Variants in COL4A6 observed in about 807,000 individuals in gnomAD.
COL4A6 encodes the protein collagen alpha-6(IV) chain.
COL4A6 carries 59 observed loss-of-function variants against 126.7 expected under a neutral mutation model. The ratio of observed to expected loss-of-function variants is 0.47; its 90% confidence interval spans 0.38 to 0.58. COL4A6 has a LOEUF of 0.58. Among genes scored for constraint, COL4A6 ranks in the 20% least tolerant of loss-of-function variants. The probability of loss-of-function intolerance (pLI) is 0.00; values close to 1 mark genes in which losing one functional copy is unlikely to be tolerated. For missense variants in COL4A6, 1,285 were observed against 1,337.3 expected, an observed-to-expected ratio of 0.96 and a Z score of 0.61; for synonymous variants, 547 against 496.6, an observed-to-expected ratio of 1.10 and a Z score of -1.35.
At chrX:108,382,003 C>A (rs1364131702) in intron 2 of COL4A6, among the ~76,000 whole-genome samples, 1 of 111,206 alleles carries the variant, frequency 9.0e-6, no homozygotes, top group Admixed American at 9.6e-5. Context: ...CTTTTTTACC[C>A]TCTTTTTTAT....
chrX:108,343,157 ATATATATAGTGT>A (rs1448974890), intron 2 of COL4A6, among the ~76,000 whole-genome samples: 62 of 73,843 alleles, frequency 8.4e-4, no homozygotes, highest in Non-Finnish European at 1.4e-3. Flanking sequence ...ATATATATAT[ATATATATAGTGT>A]GTGTGTGTGT....
intron 2 of COL4A6, among the ~76,000 whole-genome samples, chrX:108,395,528 A>G (rs1270342378): frequency 2.7e-5 from 3 of 112,267 alleles, no homozygotes; most frequent in Admixed American, 9.4e-5. Flanking sequence ...CCTTAACCCA[A>G]TATCTAGAAA....
chrX:108,368,595 TACTC>T (rs1173044553), intron 2 of COL4A6, among the ~76,000 whole-genome samples: 1 of 112,033 alleles, frequency 8.9e-6, no homozygotes, highest in Non-Finnish European at 1.9e-5. Flanking sequence ...AACTTTATCT[TACTC>T]TATTTTACTT....
At chrX:108,411,238 TA>T (rs2041321172) in intron 2 of COL4A6, among the ~76,000 whole-genome samples, 2 of 57,126 alleles carry the variant, frequency 3.5e-5, no homozygotes, top group African/African-American at 8.6e-5. Flanking sequence ...TTGTAAGAGC[TA>T]CTTTTCACTT....
chrX:108,355,660 G>T (rs1229739113), intron 2 of COL4A6, among the ~76,000 whole-genome samples: 3 of 112,079 alleles, frequency 2.7e-5, no homozygotes, highest in Admixed American at 1.9e-4. Context: ...TAGATTGGGT[G>T]GACAGGGAAT....
chrX:108,161,511 C>T, intron 42 of COL4A6, 108 bp downstream of exon 42: 1 of 508,129 alleles, frequency 2.0e-6, no homozygotes. Flanking sequence ...CAAGCTCTAC[C>T]ACTGGGTTTA....
intron 3 of COL4A6, among the ~76,000 whole-genome samples, chrX:108,273,388 G>A (rs1390532751): frequency 9.0e-6 from 1 of 110,531 alleles, no homozygotes. Flanking sequence ...TGGTGGGACT[G>A]TAAACTAGTT....
intron 12 of COL4A6, 67 bp downstream of exon 12, chrX:108,204,248 AGAGTT>A (rs1172112577): frequency 1.9e-5 from 15 of 800,014 alleles, no homozygotes; most frequent in South Asian, 1.3e-4. Flanking sequence ...TCTGGTTATT[AGAGTT>A]AAGTTCTTGT....
intron 3 of COL4A6, among the ~76,000 whole-genome samples, chrX:108,241,256 A>T (rs1408585892): frequency 9.0e-6 from 1 of 110,541 alleles, no homozygotes; most frequent in Non-Finnish European, 1.9e-5. Context: ...TCTCATAAAG[A>T]TGGTACCATA....
At chrX:108,172,637 T>C in intron 31 of COL4A6, 105 bp from the exon 32 acceptor site, 7 of 606,575 alleles carry the variant, frequency 1.2e-5, no homozygotes, top group Non-Finnish European at 1.8e-5. Flanking sequence ...ATGTCCATCA[T>C]GTATTCTGTG....
intron 2 of COL4A6, among the ~76,000 whole-genome samples, chrX:108,328,827 T>TTGGA (rs2039225349): frequency 8.9e-6 from 1 of 112,045 alleles, no homozygotes; most frequent in African/African-American, 3.2e-5. Context: ...GTGTCCATCA[T>TTGGA]TGGATGGATG....
At chrX:108,436,182 C>T in intron 2 of COL4A6, among the ~76,000 whole-genome samples, 1 of 112,196 alleles carries the variant, frequency 8.9e-6, no homozygotes. Context: ...TGGCTGTGTA[C>T]TTAAATAAGT....
chrX:108,370,759 C>T (rs1347910522), intron 2 of COL4A6, among the ~76,000 whole-genome samples: 3 of 111,598 alleles, frequency 2.7e-5, no homozygotes, highest in African/African-American at 9.8e-5. Context: ...GAACACCCTT[C>T]TAAGGATTAG....
chrX:108,247,047 C>T (rs1040937868), intron 3 of COL4A6, among the ~76,000 whole-genome samples: 5 of 111,442 alleles, frequency 4.5e-5, no homozygotes, highest in South Asian at 3.8e-4. Flanking sequence ...TGTGGACACT[C>T]GATAGGTTCT....
intron 2 of COL4A6, among the ~76,000 whole-genome samples, chrX:108,349,446 C>A (rs775816757): frequency 9.0e-6 from 1 of 111,693 alleles, no homozygotes; most frequent in Non-Finnish European, 1.9e-5. Flanking sequence ...AAAAGATAGC[C>A]CTTGGTTTAG....
At chrX:108,237,157 C>T (rs1385736679) in intron 3 of COL4A6, among the ~76,000 whole-genome samples, 1 of 111,875 alleles carries the variant, frequency 8.9e-6, no homozygotes, top group Non-Finnish European at 1.9e-5. Context: ...ATGACAACAG[C>T]CTCTGGAGTT....
At chrX:108,342,456 G>T (rs1200056765) in intron 2 of COL4A6, among the ~76,000 whole-genome samples, 1 of 111,825 alleles carries the variant, frequency 8.9e-6, no homozygotes, top group East Asian at 2.8e-4. Context: ...AGTGGGCAAA[G>T]CTTAGGGCCA....
At chrX:108,169,358 C>T in intron 37 of COL4A6, 137 bp downstream of exon 37, 2 of 826,976 alleles carry the variant, frequency 2.4e-6, no homozygotes, top group Non-Finnish European at 3.4e-6. Context: ...CAGTCATTCC[C>T]ACTGGGTTGT....
chrX:108,360,690 C>T (rs2040065834), intron 2 of COL4A6, among the ~76,000 whole-genome samples: 1 of 110,077 alleles, frequency 9.1e-6, no homozygotes, highest in African/African-American at 3.3e-5. Flanking sequence ...GCACCTGCCA[C>T]CATGCCCAGC....
Sources: gnomAD v4.1 joint callset for allele counts (sites outside exome capture counted in the v4.1 genomes callset) on GRCh38, gnomAD v4.1.1 for gene constraint, MANE v1.5 for transcripts, NCBI Gene and HGNC (gene_info 2026-07-23, HGNC 2026-07-21) for gene names.